Variants in PPP2R2C observed in about 807,000 individuals in gnomAD.
PPP2R2C encodes the protein protein phosphatase 2 regulatory subunit Bgamma.
A neutral mutation model predicts 45.3 loss-of-function variants in PPP2R2C; 10 were observed. The observed-to-expected ratio is 0.22, with a 90% CI of 0.14 to 0.37. The LOEUF is 0.37. Among genes scored for constraint, PPP2R2C ranks in the 10% least tolerant of loss-of-function variants. The pLI is 1.00. For missense variants in PPP2R2C, 308 were observed against 619.7 expected (o/e 0.50, Z 5.34); for synonymous variants, 257 against 245.4 (o/e 1.05, Z -0.44).
chr4:6,518,206 A>G (rs1723887063), intron 2 of PPP2R2C, among the ~76,000 whole-genome samples: 1 of 152,220 alleles, frequency 6.6e-6, no homozygotes, highest in African/African-American at 2.4e-5. Context: ...AAAAGAAGAA[A>G]GATCTAAAAT....
Position 6,347,995 on chromosome 4 carries a change from T to C in PPP2R2C, c.641A>G (p.Lys214Arg). The change falls in exon 6 of 9, where the codon AAG (lysine) becomes AGG (arginine). Residue 214 changes from lysine (K) to arginine (R), a missense_variant. Physicochemically the swap from Lys to Arg is conservative, Grantham distance 26. Coordinates refer to ENST00000382599, the MANE Select transcript of PPP2R2C (RefSeq NM_020416.4). ...TDRSFNIVDI[K>R]PANMEDLTEV... ...CGTAAGGTCCTCCATGTTGGCCGGC[T>C]TGATGTCCACGATGTCTGGGGGCAG... 6.2e-7 allele frequency: 1 copy of C among 1,613,894 alleles called. No individual in the cohort carries two copies. The highest frequency in any genetic ancestry group is 8.5e-7 in the Non-Finnish European group (1 of 1,179,906).
intron 1 of PPP2R2C, among the ~76,000 whole-genome samples, chr4:6,445,207 A>C (rs2108738857): frequency 6.6e-6 from 1 of 151,284 alleles, no homozygotes; most frequent in East Asian, 1.9e-4. Flanking sequence ...CAAAATAAAA[A>C]CAAAAAAAAA....
chr4:6,413,875 C>A, intron 1 of PPP2R2C: 1 of 1,536,078 alleles, frequency 6.5e-7, no homozygotes, highest in Non-Finnish European at 8.7e-7. Flanking sequence ...CCTCCCAACT[C>A]TCATGATGCC....
intron 1 of PPP2R2C, among the ~76,000 whole-genome samples, chr4:6,463,059 A>T (rs1265839689): frequency 6.6e-6 from 1 of 152,222 alleles, no homozygotes; most frequent in Non-Finnish European, 1.5e-5. Flanking sequence ...AAGTGGCACA[A>T]ATTTGAAAGT....
At chr4:6,354,976 A>T (rs1157274288) in intron 5 of PPP2R2C, among the ~76,000 whole-genome samples, 1 of 152,156 alleles carries the variant, frequency 6.6e-6, no homozygotes, top group South Asian at 2.1e-4. Context: ...GCTCCTTAAC[A>T]AAGTAACCTC....
intron 1 of PPP2R2C, among the ~76,000 whole-genome samples, chr4:6,430,074 T>G (rs924475676): frequency 1.3e-5 from 2 of 152,158 alleles, no homozygotes; most frequent in African/African-American, 4.8e-5. Context: ...ACCTCATAAG[T>G]GGGCCACGAT....
At chr4:6,534,459 C>T (rs1724525977) in intron 2 of PPP2R2C, among the ~76,000 whole-genome samples, 1 of 151,740 alleles carries the variant, frequency 6.6e-6, no homozygotes, top group South Asian at 2.1e-4. Flanking sequence ...CACACACCAA[C>T]ACACACACCC....
chr4:6,476,521 A>C (rs1401954361), upstream of PPP2R2C, among the ~76,000 whole-genome samples: 1 of 152,128 alleles, frequency 6.6e-6, no homozygotes, highest in Non-Finnish European at 1.5e-5. Context: ...CTATCCACAA[A>C]TCAGGAAGCC....
chr4:6,549,664 A>G (rs1725115189), intron 1 of PPP2R2C, among the ~76,000 whole-genome samples: 1 of 152,140 alleles, frequency 6.6e-6, no homozygotes, highest in African/African-American at 2.4e-5. Flanking sequence ...TGGCTGTGTG[A>G]CCTCACGTAA....
chr4:6,512,652 GA>G (rs1450563349), intron 2 of PPP2R2C, among the ~76,000 whole-genome samples: 7 of 116,506 alleles, frequency 6.0e-5, no homozygotes, highest in East Asian at 5.9e-4. Flanking sequence ...TGATGGTGCT[GA>G]TGGTGGTGGT....
In PPP2R2C at chr4:6,330,698, C is replaced by T. The variant is rs1193717910; in HGVS notation, c.961-1345G>A. On this transcript the variant is annotated intron_variant, in intron 7 of 8. Transcript: ENST00000382599. This position sits in a 1 kb window ranked among gnomAD's most constrained non-coding sequence, Gnocchi z 7.0. ...CTTCTTTCTCAGTCTCTATCCCCATCCTGTTGGTTCTGTTTCTCTGAGCCA... is the reference window on the plus strand; with the variant it reads ...CTTCTTTCTCAGTCTCTATCCCCATTCTGTTGGTTCTGTTTCTCTGAGCCA... 3.5e-4 allele frequency among the ~76,000 whole-genome samples: 53 copies of T among 152,202 alleles called. 1 individual carries two copies. The highest frequency in any genetic ancestry group is 8.8e-5 in the Non-Finnish European group (6 of 68,034).
At chr4:6,401,557 G>A (rs1674215131) in intron 1 of PPP2R2C, among the ~76,000 whole-genome samples, 1 of 152,044 alleles carries the variant, frequency 6.6e-6, no homozygotes. Context: ...AAGAGCAGCT[G>A]GGGGCCAAAC....
chr4:6,538,701 G>A (rs1376477607), intron 1 of PPP2R2C, among the ~76,000 whole-genome samples: 4 of 152,208 alleles, frequency 2.6e-5, no homozygotes, highest in South Asian at 2.1e-4. Context: ...CCCACACCAC[G>A]TGCTACGTTC....
At chr4:6,418,277 C>A (rs55749089) in intron 1 of PPP2R2C, among the ~76,000 whole-genome samples, 37,150 of 151,970 alleles carry the variant, frequency 0.24, 5,433 homozygotes, top group East Asian at 0.61. Context: ...CCTGGGCACC[C>A]GGCTGCTCAT....
At chr4:6,456,813 A>C (rs73083386) in intron 1 of PPP2R2C, among the ~76,000 whole-genome samples, 5,079 of 152,310 alleles carry the variant, frequency 0.033, 295 homozygotes, top group African/African-American at 0.11. Flanking sequence ...GGTTTGAAAC[A>C]TCACTGTGGC....
intron 1 of PPP2R2C, among the ~76,000 whole-genome samples, chr4:6,394,214 G>A (rs968302437): frequency 2.0e-5 from 3 of 152,198 alleles, no homozygotes; most frequent in Non-Finnish European, 4.4e-5. Flanking sequence ...AGGGGAGACT[G>A]GTAAAGCACC....
chr4:6,469,125 AT>A (rs572849253), intron 1 of PPP2R2C, among the ~76,000 whole-genome samples: 261 of 150,094 alleles, frequency 1.7e-3, no homozygotes, highest in African/African-American at 5.9e-3. Flanking sequence ...GCTCTGACGA[AT>A]TCACACCAAG....
rs1732276195 is a variant in PPP2R2C, at chr4:6,329,973, G to A, written c.961-620C>T. Among the ~76,000 whole-genome samples, 1 of 152,146 alleles carries A rather than the reference G, an allele frequency of 6.6e-6. No homozygotes were observed. The highest frequency in any genetic ancestry group is 2.4e-5 in the African/African-American group (1 of 41,436). The stretch of plus-strand genomic sequence containing the variant: ...AGGGTAATGATCTCCGAGAACACAG[G>A]GTGGCGGCCATCAAGAAAGGGGAAG... On this transcript the variant is annotated intron_variant, in intron 7 of 8. Transcript: ENST00000382599. This position sits in a 1 kb window ranked among gnomAD's most constrained non-coding sequence, Gnocchi z 5.8.
intron 2 of PPP2R2C, among the ~76,000 whole-genome samples, chr4:6,486,920 CT>C (rs1291090635): frequency 6.6e-6 from 1 of 151,962 alleles, no homozygotes; most frequent in East Asian, 1.9e-4. Context: ...TTGTTCCCTT[CT>C]TTCTCCTTTT....
Sources: allele counts gnomAD v4.1 joint callset (sites outside exome capture counted in the v4.1 genomes callset), GRCh38; gene constraint gnomAD v4.1.1; non-coding constraint Gnocchi (gnomAD v3.1); transcripts MANE v1.5; gene names NCBI Gene and HGNC (gene_info 2026-07-23, HGNC 2026-07-21).